FARS2: variants seen among roughly 807,000 people sequenced by gnomAD.
FARS2 encodes the protein phenylalanine--tRNA ligase, mitochondrial.
FARS2 carries 40 observed loss-of-function variants against 46.4 expected under a neutral mutation model. The ratio of observed to expected loss-of-function variants is 0.86; its 90% confidence interval spans 0.67 to 1.12. FARS2 has a LOEUF of 1.12. Among genes scored for constraint, FARS2 ranks in the 50% most tolerant of loss-of-function variants. FARS2 has a pLI of 0.00. For missense variants in FARS2, 513 were observed against 567.9 expected, an observed-to-expected ratio of 0.90 and a Z score of 0.98; for synonymous variants, 234 against 214.9, an observed-to-expected ratio of 1.09 and a Z score of -0.78.
At chr6:5,537,423 A>G (rs10085267) in intron 4 of FARS2, among the ~76,000 whole-genome samples, 2,799 of 148,024 alleles carry the variant, frequency 0.019, 38 homozygotes, top group Non-Finnish European at 0.027. Context: ...GAGATGTCCC[A>G]GGCCTCCTCT....
intron 4 of FARS2, among the ~76,000 whole-genome samples, chr6:5,502,762 G>A (rs1720268479): frequency 6.6e-6 from 1 of 152,198 alleles, no homozygotes; most frequent in South Asian, 2.1e-4. Flanking sequence ...TCGCACACAT[G>A]TAAAAATGTA....
chr6:5,445,322 T>C (rs1764123038), intron 4 of FARS2, among the ~76,000 whole-genome samples: 1 of 152,230 alleles, frequency 6.6e-6, no homozygotes, highest in Non-Finnish European at 1.5e-5. Context: ...CTCAGTTTTA[T>C]TTTCTCCCCT....
At chr6:5,412,696 A>G (rs1203236531) in intron 3 of FARS2, among the ~76,000 whole-genome samples, 1 of 152,232 alleles carries the variant, frequency 6.6e-6, no homozygotes. Context: ...TTAGTGCTAC[A>G]TTCTTCCTAA....
intron 1 of FARS2, among the ~76,000 whole-genome samples, chr6:5,356,975 G>A (rs1254900402): frequency 6.6e-6 from 1 of 151,466 alleles, no homozygotes; most frequent in African/African-American, 2.4e-5. Context: ...TTAGCAGAGA[G>A]CACAGTATGA....
At chr6:5,420,268 C>T (rs1762470142) in intron 3 of FARS2, among the ~76,000 whole-genome samples, 1 of 152,160 alleles carries the variant, frequency 6.6e-6, no homozygotes. Context: ...CACAGCCAAA[C>T]CATATCATTC....
At chr6:5,518,194 T>C (rs1582332365) in intron 4 of FARS2, among the ~76,000 whole-genome samples, 1 of 151,980 alleles carries the variant, frequency 6.6e-6, no homozygotes, top group African/African-American at 2.4e-5. Context: ...ATATGAGGGG[T>C]TGCATAAGGG....
At chr6:5,405,555 T>G (rs1039783282) in intron 3 of FARS2, among the ~76,000 whole-genome samples, 2 of 128,596 alleles carry the variant, frequency 1.6e-5, no homozygotes, top group Non-Finnish European at 3.1e-5. Context: ...TGCAGTGGGG[T>G]GATCTCAGCT....
At chr6:5,625,721 C>T (rs1326864686) in intron 6 of FARS2, among the ~76,000 whole-genome samples, 1 of 152,072 alleles carries the variant, frequency 6.6e-6, no homozygotes, top group African/African-American at 2.4e-5. Flanking sequence ...TAGGTAAGGC[C>T]CAGTTACAGA....
At chr6:5,717,330 G>T (rs1759557442) in intron 6 of FARS2, among the ~76,000 whole-genome samples, 1 of 150,026 alleles carries the variant, frequency 6.7e-6, no homozygotes, top group African/African-American at 2.5e-5. Context: ...AGGAACCGTG[G>T]ATAGAAACAT....
At chr6:5,760,998 A>G (rs1398605814) in intron 6 of FARS2, among the ~76,000 whole-genome samples, 3 of 152,208 alleles carry the variant, frequency 2.0e-5, no homozygotes, top group Non-Finnish European at 2.9e-5. Flanking sequence ...TACCTGGAAC[A>G]TATACTCAGC....
At chr6:5,632,801 T>G (rs1239280493) in intron 6 of FARS2, among the ~76,000 whole-genome samples, 1 of 152,168 alleles carries the variant, frequency 6.6e-6, no homozygotes, top group Middle Eastern at 3.2e-3. Context: ...AACATCTGTT[T>G]AAGTCCTTTG....
chr6:5,658,284 A>T (rs970854030), intron 6 of FARS2, among the ~76,000 whole-genome samples: 10 of 152,050 alleles, frequency 6.6e-5, no homozygotes, highest in African/African-American at 2.4e-4. Context: ...AGAACTTAGA[A>T]CAGTGCCTGG....
At chr6:5,668,925 A>G (rs1582714035) in intron 6 of FARS2, among the ~76,000 whole-genome samples, 1 of 151,562 alleles carries the variant, frequency 6.6e-6, no homozygotes, top group African/African-American at 2.4e-5. Flanking sequence ...CGAACTCCTG[A>G]CCTCAGGCGA....
At chr6:5,624,693 C>A (rs150340308) in intron 6 of FARS2, among the ~76,000 whole-genome samples, 170 of 152,288 alleles carry the variant, frequency 1.1e-3, no homozygotes, top group African/African-American at 4.0e-3. Context: ...GAGAGTAACT[C>A]ACATCCTTTG....
At position 5,424,922 on chromosome 6, in the gene FARS2, T is replaced by C. The variant is rs570773172; in HGVS notation, c.773-6119T>C. On this transcript the variant is annotated intron_variant, in intron 3 of 6. Transcript: ENST00000274680. ...GTCTTTGACAGTGGCGGCTGCACGA[T>C]TTCCCGTGGTTAGATTGTGGTTATC... 1.6e-4 allele frequency among the ~76,000 whole-genome samples: 24 copies of C among 152,310 alleles called. No homozygotes were observed. In the South Asian group the frequency reaches 4.4e-3, roughly 28 times the overall value.
chr6:5,576,559 T>C (rs1772976823), intron 5 of FARS2, among the ~76,000 whole-genome samples: 1 of 147,854 alleles, frequency 6.8e-6, no homozygotes, highest in African/African-American at 2.5e-5. Flanking sequence ...ATATATATCA[T>C]ATATAGAGTA....
At chr6:5,461,695 A>G (rs911240669) in intron 4 of FARS2, among the ~76,000 whole-genome samples, 2 of 152,188 alleles carry the variant, frequency 1.3e-5, no homozygotes, top group African/African-American at 2.4e-5. Flanking sequence ...TACAATATGT[A>G]GTCTTTGGCA....
the FARS2 span, among the ~76,000 whole-genome samples, chr6:5,252,664 A>G: frequency 1.8e-4 from 27 of 152,178 alleles, no homozygotes; most frequent in African/African-American, 5.8e-4. Context: ...CCTGTTGTTT[A>G]CCTAGTGATA....
chr6:5,652,074 A>G lies in FARS2; in HGVS notation c.1217+38754A>G, dbSNP rs959405684. Among the ~76,000 whole-genome samples the G allele has an allele frequency of 2.0e-5, 3 of 152,330 alleles. No homozygotes were observed. The South Asian group carries it at 6.2e-4, about 32-fold the overall frequency. ...AAGGGGATCTGACAGGAGTCTCCGC[A>G]TGCCCACATCAGGAAGATCCGGGAG... On this transcript the variant is annotated intron_variant, in intron 6 of 6. Coordinates refer to ENST00000274680, the MANE Select transcript of FARS2 (RefSeq NM_006567.5).
Sources: allele counts gnomAD v4.1 joint callset (sites outside exome capture counted in the v4.1 genomes callset), GRCh38; gene constraint gnomAD v4.1.1; transcripts MANE v1.5; gene names NCBI Gene and HGNC (gene_info 2026-07-23, HGNC 2026-07-21).